Variants in LINGO2 observed in about 807,000 individuals in gnomAD.
The protein encoded by LINGO2 is leucine rich repeat and Ig domain containing 2.
Under a neutral mutation model 30.6 loss-of-function variants are expected in LINGO2, and 14 were observed. That is an observed-to-expected ratio of 0.46 (90% CI 0.30 to 0.72). The LOEUF (loss-of-function observed/expected upper bound fraction) is 0.72. Among genes scored for constraint, LINGO2 ranks in the 30% least tolerant of loss-of-function variants. The pLI, the probability that LINGO2 is intolerant of heterozygous loss-of-function variation, is 0.07. For missense variants in LINGO2, 729 were observed against 751.7 expected (o/e 0.97, Z 0.35); for synonymous variants, 317 against 288.5 (o/e 1.10, Z -1.00).
intron 4 of LINGO2, among the ~76,000 whole-genome samples, chr9:28,267,102 G>A (rs578064428): frequency 1.3e-5 from 2 of 151,864 alleles, no homozygotes; most frequent in East Asian, 1.9e-4. Context: ...AGGAGGATGA[G>A]CAAGAAAACG....
intron 4 of LINGO2, among the ~76,000 whole-genome samples, chr9:28,078,516 A>T (rs1825687904): frequency 6.7e-6 from 1 of 148,644 alleles, no homozygotes; most frequent in Admixed American, 6.6e-5. Context: ...TGCCTTATTG[A>T]CAAATTATGT....
chr9:28,869,337 T>A, the LINGO2 span, among the ~76,000 whole-genome samples: 4 of 151,910 alleles, frequency 2.6e-5, no homozygotes, highest in Non-Finnish European at 5.9e-5. Flanking sequence ...AAGTGGCTAA[T>A]CAGAATTAGA....
chr9:28,675,764 G>A, the LINGO2 span, among the ~76,000 whole-genome samples: 10 of 150,996 alleles, frequency 6.6e-5, no homozygotes, highest in South Asian at 2.1e-4. Context: ...CTAGCTACTC[G>A]GGAGGCTGAG....
chr9:29,116,078 G>A, the LINGO2 span, among the ~76,000 whole-genome samples: 1 of 151,948 alleles, frequency 6.6e-6, no homozygotes, highest in African/African-American at 2.4e-5. Flanking sequence ...GAAATCAGAG[G>A]ATAAGCTGGG....
chr9:29,107,566 GA>G, the LINGO2 span, among the ~76,000 whole-genome samples: 1 of 151,922 alleles, frequency 6.6e-6, no homozygotes, highest in African/African-American at 2.4e-5. Context: ...TTTTCTTCAT[GA>G]AACAATTCAA....
the LINGO2 span, among the ~76,000 whole-genome samples, chr9:29,206,043 A>G: frequency 2.0e-5 from 3 of 152,260 alleles, no homozygotes; most frequent in African/African-American, 7.2e-5. Context: ...TCCATGTTGT[A>G]GCATGTATCA....
chr9:28,943,798 C>T, the LINGO2 span, among the ~76,000 whole-genome samples: 3 of 152,058 alleles, frequency 2.0e-5, no homozygotes, highest in Non-Finnish European at 2.9e-5. Context: ...GTAAGATGTG[C>T]GAGATGAGAT....
At chr9:28,423,586 T>C (rs1823291388) in intron 2 of LINGO2, among the ~76,000 whole-genome samples, 1 of 152,094 alleles carries the variant, frequency 6.6e-6, no homozygotes, top group East Asian at 1.9e-4. Flanking sequence ...CCAGGGTGAT[T>C]AGTGGCATGA....
intron 1 of LINGO2, among the ~76,000 whole-genome samples, chr9:28,492,567 C>T (rs1587747862): frequency 6.6e-6 from 1 of 152,114 alleles, no homozygotes; most frequent in Non-Finnish European, 1.5e-5. Flanking sequence ...AAAAGTAGGG[C>T]TTTACAAATC....
chr9:28,586,598 G>A (rs1824554018), intron 1 of LINGO2, among the ~76,000 whole-genome samples: 2 of 151,952 alleles, frequency 1.3e-5, no homozygotes, highest in African/African-American at 4.8e-5. Flanking sequence ...TTTCTCATGA[G>A]CAAGGGTATT....
chr9:28,186,444 C>A (rs1819546253), intron 4 of LINGO2, among the ~76,000 whole-genome samples: 1 of 152,078 alleles, frequency 6.6e-6, no homozygotes, highest in Non-Finnish European at 1.5e-5. Flanking sequence ...GAGGATTCAG[C>A]AGTGAACAAA....
chr9:28,550,296 C>T (rs1478537185), intron 1 of LINGO2, among the ~76,000 whole-genome samples: 1 of 151,676 alleles, frequency 6.6e-6, no homozygotes, highest in Non-Finnish European at 1.5e-5. Context: ...CTTAACTTCT[C>T]ATATGTTTTT....
chr9:28,570,046 G>A (rs1823603405), intron 1 of LINGO2, among the ~76,000 whole-genome samples: 1 of 151,898 alleles, frequency 6.6e-6, no homozygotes, highest in South Asian at 2.1e-4. Flanking sequence ...AAACTGACGG[G>A]AAGGGTGAAG....
chr9:28,654,170 TAAGCAG>T (rs1436575527), intron 1 of LINGO2, among the ~76,000 whole-genome samples: 5 of 152,078 alleles, frequency 3.3e-5, no homozygotes, highest in African/African-American at 1.2e-4. Flanking sequence ...TTTAAACAAA[TAAGCAG>T]ATAAATTATG....
At chr9:28,642,996 T>C (rs1360911161) in intron 1 of LINGO2, among the ~76,000 whole-genome samples, 1 of 151,836 alleles carries the variant, frequency 6.6e-6, no homozygotes, top group African/African-American at 2.4e-5. Context: ...GTGAAATAGC[T>C]CAATAATGAA....
In LINGO2 at chr9:28,397,083, T is replaced by C. The variant is rs142759943; in HGVS notation, c.-278-24215A>G. Among the ~76,000 whole-genome samples, 764 of 152,178 alleles carry C rather than the reference T, an allele frequency of 5.0e-3. 4 individuals carry two copies. Among genetic ancestry groups the C allele is most frequent in the African/African-American group, 0.018 (736 of 41,496 alleles). ...TGCCTATCCATTCTTCTCAGGAATG[T>C]TTGTCAAGTAACTCATGAGTACTTC... On this transcript the variant is annotated intron_variant, in intron 2 of 5. Transcript: ENST00000379992.
intron 3 of LINGO2, among the ~76,000 whole-genome samples, chr9:28,347,231 A>C (rs1040189633): frequency 1.3e-5 from 2 of 152,242 alleles, no homozygotes; most frequent in African/African-American, 4.8e-5. Context: ...AGCAAAAATT[A>C]TTAAACCTAT....
the LINGO2 span, among the ~76,000 whole-genome samples, chr9:28,895,187 A>G: frequency 1.3e-5 from 2 of 151,556 alleles, no homozygotes; most frequent in African/African-American, 2.4e-5. Flanking sequence ...GATGGGCTAC[A>G]TAGGCAAGCC....
chr9:28,964,721 G>A, the LINGO2 span, among the ~76,000 whole-genome samples: 6 of 151,880 alleles, frequency 4.0e-5, no homozygotes, highest in Middle Eastern at 3.2e-3. Context: ...TGTCAATGAG[G>A]GTGAACATGA....
Sources: allele counts gnomAD v4.1 joint callset (sites outside exome capture counted in the v4.1 genomes callset), GRCh38; gene constraint gnomAD v4.1.1; transcripts MANE v1.5; gene names NCBI Gene and HGNC (gene_info 2026-07-23, HGNC 2026-07-21).